TRIM71: variants seen among roughly 807,000 people sequenced by gnomAD.
TRIM71 encodes the protein E3 ubiquitin-protein ligase TRIM71.
In TRIM71, 9 loss-of-function variants were observed where a neutral mutation model predicts 61.2. The observed-to-expected ratio is 0.15, with a 90% CI of 0.09 to 0.26. The LOEUF is 0.26. TRIM71 is among the 10% of genes least tolerant of loss of function. The probability of loss-of-function intolerance (pLI) is 1.00; values close to 1 mark genes in which losing one functional copy is unlikely to be tolerated. For missense variants in TRIM71, 998 were observed against 1,238.7 expected (o/e 0.81, Z 2.92); for synonymous variants, 645 against 553.2 (o/e 1.17, Z -2.33).
At chr3:32,839,941 G>A (rs1010605228) in intron 1 of TRIM71, among the ~76,000 whole-genome samples, 1 of 152,150 alleles carries the variant, frequency 6.6e-6, no homozygotes, top group Non-Finnish European at 1.5e-5. Context: ...CTCTACTGGC[G>A]ATTAGAACTG....
intron 1 of TRIM71, among the ~76,000 whole-genome samples, chr3:32,857,166 T>C (rs1696615466): frequency 1.3e-5 from 2 of 152,226 alleles, no homozygotes; most frequent in Non-Finnish European, 2.9e-5. Context: ...CTGGGTCCCC[T>C]GTTCCCTCTG....
At chr3:32,852,877 T>G (rs1006573634) in intron 1 of TRIM71, among the ~76,000 whole-genome samples, 5 of 152,122 alleles carry the variant, frequency 3.3e-5, no homozygotes, top group African/African-American at 1.2e-4. Flanking sequence ...AAAAGGTATT[T>G]GCAATTAAAT....
chr3:32,823,972 G>A (rs1224559604), intron 1 of TRIM71, among the ~76,000 whole-genome samples: 7 of 151,890 alleles, frequency 4.6e-5, no homozygotes, highest in Non-Finnish European at 8.8e-5. Flanking sequence ...CTACCCAGGA[G>A]GCTGAGGCAG....
At chr3:32,863,399 T>C (rs1245749693) in intron 1 of TRIM71, among the ~76,000 whole-genome samples, 1 of 151,944 alleles carries the variant, frequency 6.6e-6, no homozygotes, top group African/African-American at 2.4e-5. Context: ...AGGGTCTTTG[T>C]TGGCCGGGCT....
chr3:32,854,382 A>G (rs575251478), intron 1 of TRIM71, among the ~76,000 whole-genome samples: 29 of 152,302 alleles, frequency 1.9e-4, no homozygotes, highest in African/African-American at 7.0e-4. Context: ...GGACATATAC[A>G]TGTAAAGATG....
At position 32,818,819 on chromosome 3, in the gene TRIM71, G is replaced by A; in HGVS notation, c.739G>A (p.Ala247Thr). The change falls in exon 1 of 4, where the codon GCC becomes ACC. Residue 247 changes from alanine to threonine, a missense_variant. Physicochemically the swap from Ala to Thr is moderately conservative, Grantham distance 58. Transcript: ENST00000383763. ...CGAGCGCGGCCCGCCGGGTCCCGGT[G>A]CCGCAGCAGCGGCGCAGCAGCTCGG... ...YIERGPPGPG[A>T]AAAAQQLGLG... 6.2e-7 allele frequency: 1 copy of A among 1,610,420 alleles called. No individual in the cohort carries two copies. The highest frequency in any genetic ancestry group is 1.1e-5 in the South Asian group (1 of 90,964).
intron 1 of TRIM71, among the ~76,000 whole-genome samples, chr3:32,836,513 A>T (rs1266379507): frequency 1.3e-5 from 2 of 152,204 alleles, no homozygotes; most frequent in Non-Finnish European, 2.9e-5. Flanking sequence ...AACTTGGTAT[A>T]CATTTTAAAT....
chr3:32,819,075 C>T lies in TRIM71; in HGVS notation c.852+143C>T, dbSNP rs756529186. 58 of 909,672 alleles carry T rather than the reference C, an allele frequency of 6.4e-5. 1 individual carries two copies. The South Asian group carries it at 6.5e-4, about 10-fold the overall frequency. The allele number at this position is 909,672 out of a possible 1,614,324, so 56.4% of individuals were successfully genotyped here. A position where few individuals can be genotyped will look rare whatever the true frequency, so the allele number is the denominator to read the frequency against. On this transcript the variant is annotated intron_variant, in intron 1 of 3. Coordinates refer to ENST00000383763, the MANE Select transcript of TRIM71 (RefSeq NM_001039111.3). The stretch of plus-strand genomic sequence containing the variant: ...TCCTTTGGCTACGTGGCAGTCCTTG[C>T]TACCAAAGTAGATCATGACCTGGGA...
rs748513589 is a variant in TRIM71, at chr3:32,818,530, G to GCACCACGCT, written c.459_467dup (p.His155_His157dup). Reference sequence around the variant, plus strand: ...GAGCGGGCGGCCACAGCAACCACCGGCACCACGCTCACCACGCGCACCCGC... The same window carrying GCACCACGCT: ...GAGCGGGCGGCCACAGCAACCACCGGCACCACGCTCACCACGCTCACCACGCGCACCCGC... On this transcript the variant is annotated inframe_insertion, in exon 1 of 4. Coordinates refer to ENST00000383763, the MANE Select transcript of TRIM71 (RefSeq NM_001039111.3). 2.9e-6 allele frequency: 4 copies of GCACCACGCT among 1,369,008 alleles called. No homozygotes were observed. Among genetic ancestry groups the GCACCACGCT allele is most frequent in the African/African-American group, 3.1e-5 (2 of 64,630 alleles). 84.8% of individuals were successfully genotyped at this position (1,369,008 alleles called of 1,614,324 possible).
intron 1 of TRIM71, among the ~76,000 whole-genome samples, chr3:32,823,856 G>A (rs1174562706): frequency 2.0e-5 from 3 of 152,148 alleles, no homozygotes; most frequent in African/African-American, 7.2e-5. Context: ...GGCGGATCAC[G>A]AGGTCAAGAG....
chr3:32,834,873 T>A (rs1696316578), intron 1 of TRIM71, among the ~76,000 whole-genome samples: 1 of 152,106 alleles, frequency 6.6e-6, no homozygotes, highest in Non-Finnish European at 1.5e-5. Context: ...ACATTTGGCG[T>A]TTTGAGCATT....
chr3:32,842,277 A>C (rs1379000840), intron 1 of TRIM71, among the ~76,000 whole-genome samples: 4 of 152,226 alleles, frequency 2.6e-5, no homozygotes, highest in African/African-American at 9.6e-5. Context: ...GGAAGCTCAG[A>C]GCCAAACCAT....
chr3:32,842,974 TG>T (rs1310822137), intron 1 of TRIM71, among the ~76,000 whole-genome samples: 12 of 151,676 alleles, frequency 7.9e-5, no homozygotes, highest in Non-Finnish European at 1.5e-4. Flanking sequence ...GCTTAATAAA[TG>T]CTTTTTGATG....
intron 1 of TRIM71, among the ~76,000 whole-genome samples, chr3:32,860,393 T>G (rs1575351684): frequency 6.6e-6 from 1 of 152,004 alleles, no homozygotes; most frequent in Admixed American, 6.6e-5. Context: ...TGACCTCAGG[T>G]GATCCACCTG....
chr3:32,854,004 C>CAA (rs571008559), intron 1 of TRIM71, among the ~76,000 whole-genome samples: 1,388 of 134,204 alleles, frequency 0.01, 19 homozygotes, highest in African/African-American at 0.035. Context: ...ACTCCCATCT[C>CAA]AAAAAAAAAA....
At chr3:32,872,000 T>C (rs1696801006) in intron 1 of TRIM71, among the ~76,000 whole-genome samples, 2 of 152,056 alleles carry the variant, frequency 1.3e-5, no homozygotes, top group Admixed American at 6.6e-5. Context: ...AAAAATTAGT[T>C]GGGCGTGGTG....
intron 1 of TRIM71, among the ~76,000 whole-genome samples, chr3:32,867,687 G>A (rs1575354210): frequency 6.6e-6 from 1 of 152,060 alleles, no homozygotes; most frequent in South Asian, 2.1e-4. Flanking sequence ...TGTATATTGA[G>A]CTAATTAACA....
chr3:32,863,459 C>T (rs1696696879), intron 1 of TRIM71, among the ~76,000 whole-genome samples: 1 of 152,038 alleles, frequency 6.6e-6, no homozygotes, highest in African/African-American at 2.4e-5. Flanking sequence ...TGTAATCAAT[C>T]CTCGCATCAA....
chr3:32,856,167 G>A (rs995761322), intron 1 of TRIM71, among the ~76,000 whole-genome samples: 5 of 152,078 alleles, frequency 3.3e-5, no homozygotes, highest in Non-Finnish European at 5.9e-5. Context: ...ACAGGTGCCC[G>A]CCACCACGCC....
Sources: allele counts gnomAD v4.1 joint callset (sites outside exome capture counted in the v4.1 genomes callset), GRCh38; gene constraint gnomAD v4.1.1; transcripts MANE v1.5; gene names NCBI Gene and HGNC (gene_info 2026-07-23, HGNC 2026-07-21).